PAX1: variants seen among roughly 807,000 people sequenced by gnomAD.
PAX1 encodes the protein paired box protein Pax-1.
A neutral mutation model predicts 35.6 loss-of-function variants in PAX1; 18 were observed. The observed-to-expected ratio is 0.50, with a 90% CI of 0.35 to 0.75. PAX1 has a LOEUF of 0.75. Ranked by LOEUF, PAX1 falls within the 30% of genes least tolerant of loss-of-function variation. The pLI, the probability that PAX1 is intolerant of heterozygous loss-of-function variation, is 0.01. For missense variants in PAX1, 760 were observed against 661.5 expected (o/e 1.15, Z -1.63); for synonymous variants, 397 against 305.2 (o/e 1.30, Z -3.14).
intron 4 of PAX1, among the ~76,000 whole-genome samples, chr20:21,709,977 C>T (rs1450078013): frequency 1.3e-5 from 2 of 151,022 alleles, no homozygotes; most frequent in Non-Finnish European, 2.9e-5. Flanking sequence ...GAAAAAAAGG[C>T]GTTTGGATTC....
chr20:21,707,138 G>T, intron 2 of PAX1, 71 bp downstream of exon 2: 1 of 1,574,002 alleles, frequency 6.4e-7, no homozygotes, highest in Non-Finnish European at 8.7e-7. Context: ...TGCAGGAGAG[G>T]ACTCACACTC....
rs1420260903 is a variant in PAX1 at position 21,717,556 on chromosome 20, T to C, written c.*2994T>C. 1.3e-5 allele frequency: 2 copies of C among 152,208 alleles called. No individual in the cohort carries two copies. Among genetic ancestry groups the C allele is most frequent in the African/African-American group, 4.8e-5 (2 of 41,448 alleles). The allele number at this position is 152,208 out of a possible 1,614,324, so 9.4% of individuals were successfully genotyped here. A position where few individuals can be genotyped will look rare whatever the true frequency, so the allele number is the denominator to read the frequency against. On this transcript the variant is annotated 3_prime_UTR_variant, in exon 5 of 5. Coordinates refer to ENST00000613128, the MANE Select transcript of PAX1 (RefSeq NM_001257096.2). ...AAGATCCCATTGGAATATTGCACTT[T>C]TGCTCTTTGTTCGTATGGATCTGTG...
At chr20:21,708,817 C>G (rs2122138405) in intron 3 of PAX1, 117 bp downstream of exon 3, 1 of 1,047,316 alleles carries the variant, frequency 9.5e-7, no homozygotes, top group Admixed American at 2.0e-5. Flanking sequence ...ATGGTTGTAT[C>G]TGGCAGCCGG....
rs1985418700 is a variant in PAX1, at chr20:21,717,741, TAAAG to T, written c.*3181_*3184del. ...ATATAGAGATGTAACCCAAAGAAAA[TAAAG>T]ACATAATCAGATAGCCCTCTGATTT... is the stretch of plus-strand genomic sequence containing the variant. On this transcript the variant is annotated 3_prime_UTR_variant, in exon 5 of 5. Transcript: ENST00000613128. 6.6e-6 allele frequency: 1 copy of T among 152,000 alleles called. No homozygotes were observed. The highest frequency in any genetic ancestry group is 2.1e-4 in the South Asian group (1 of 4,828). The allele number at this position is 152,000 out of a possible 1,614,324, so 9.4% of individuals were successfully genotyped here. A position where few individuals can be genotyped will look rare whatever the true frequency, so the allele number is the denominator to read the frequency against.
chr20:21,710,010 G>A (rs1175797303), intron 4 of PAX1, among the ~76,000 whole-genome samples: 1 of 143,776 alleles, frequency 7.0e-6, no homozygotes, highest in Non-Finnish European at 1.5e-5. Flanking sequence ...ACACACTGTG[G>A]GAAAGTAGAG....
Position 21,709,327 on chromosome 20 carries a change from C to T in PAX1, c.1165C>T (p.Pro389Ser), listed in dbSNP as rs1985120643. The T allele has an allele frequency of 6.3e-7, 1 of 1,596,322 alleles. No individual in the cohort carries two copies. Residue 389 changes from proline to serine, a missense_variant, in exon 4 of 5, where the codon CCG (proline) becomes TCG (serine). By Grantham distance (74) the Pro-to-Ser change is moderately conservative (BLOSUM62 -1). This residue lies in a region of PAX1 where 490 missense variants were observed against 428.4 expected (regional missense o/e 1.14). Transcript: ENST00000613128. ...YSAPGGGYLA[P>S]GPPWPPAQGP... ...CGCCCCGGGCGGCGGCTACCTCGCC[C>T]CGGGCCCGCCGTGGCCGCCTGCGCA...
At chr20:21,713,380 T>TGTGTGTG (rs1555805030) in intron 4 of PAX1, among the ~76,000 whole-genome samples, 34 of 135,774 alleles carry the variant, frequency 2.5e-4, no homozygotes, top group Non-Finnish European at 1.6e-5. Flanking sequence ...TTTCTTTTTT[T>TGTGTGTG]TTTGTGTGTG....
At position 21,706,325 on chromosome 20, in the gene PAX1, G is replaced by C. The variant is rs758465087; in HGVS notation, c.287-113G>C. ...CTCCGAGCTGTCTGGGGACCCACAG[G>C]TCACCTTTGGAAGTGCGCCTGGGTG... On this transcript the variant is annotated intron_variant, in intron 1 of 4. Transcript: ENST00000613128. This position sits in a 1 kb window ranked among gnomAD's most constrained non-coding sequence, Gnocchi z 5.3. 11 of 1,412,734 alleles carry C rather than the reference G, an allele frequency of 7.8e-6. No individual in the cohort carries two copies. The Admixed American group carries it at 1.2e-4, about 15-fold the overall frequency. The allele number at this position is 1,412,734 out of a possible 1,614,324, so 87.5% of individuals were successfully genotyped here. A position where few individuals can be genotyped will look rare whatever the true frequency, so the allele number is the denominator to read the frequency against.
chr20:21,710,060 T>C (rs1009533883), intron 4 of PAX1, among the ~76,000 whole-genome samples: 4 of 138,378 alleles, frequency 2.9e-5, no homozygotes, highest in Admixed American at 7.2e-5. Flanking sequence ...GCTCAGGAGC[T>C]TTCTGTGGTT....
chr20:21,706,865 G>C lies in PAX1; in HGVS notation c.714G>C (p.Lys238Asn). ...AGCCCGGACCGTACGAGGCAAGTAA[G>C]CAGCCGCCGTCGCAGCCTACGCTGC... ...LAQPGPYEASKQPPSQPTLPY... is the reference protein window; with the variant it reads ...LAQPGPYEASNQPPSQPTLPY... Residue 238 changes from lysine (K) to asparagine (N), a missense_variant, in exon 2 of 5, where the codon AAG becomes AAC. Lys to Asn is a moderately conservative substitution (Grantham distance 94, BLOSUM62 0). Around this residue, in one of 3 missense-constraint regions of PAX1, gnomAD observed 490 missense variants for 428.4 expected, o/e 1.14. Coordinates refer to ENST00000613128, the MANE Select transcript of PAX1 (RefSeq NM_001257096.2). This position sits in a 1 kb window ranked among gnomAD's most constrained non-coding sequence, Gnocchi z 5.3. 1 of 1,613,292 alleles carries C rather than the reference G, an allele frequency of 6.2e-7. No homozygotes were observed. Among genetic ancestry groups the C allele is most frequent in the South Asian group, 1.1e-5 (1 of 91,084 alleles).
Position 21,705,765 on chromosome 20 carries a change from G to T in PAX1, c.53G>T (p.Gly18Val), listed in dbSNP as rs1984955809. The T allele has an allele frequency of 7.9e-7, 1 of 1,263,414 alleles. No homozygotes were observed. Among genetic ancestry groups the T allele is most frequent in the Admixed American group, 4.2e-5 (1 of 23,620 alleles). The allele number at this position is 1,263,414 out of a possible 1,614,324, so 78.3% of individuals were successfully genotyped here. ...GSRAWRVSWE[G>V]AAAAAAGPGA... The stretch of plus-strand genomic sequence containing the variant: ...CGGGCGTGGAGAGTGTCCTGGGAGG[G>T]GGCAGCAGCGGCGGCGGCAGGCCCT... Residue 18 changes from glycine to valine, a missense_variant, in exon 1 of 5, where the codon GGG becomes GTG. Transcript: ENST00000613128.
chr20:21,709,334 C>A lies in PAX1; in HGVS notation c.1172C>A (p.Pro391Gln). 1.3e-6 allele frequency: 2 copies of A among 1,598,734 alleles called. No individual in the cohort carries two copies. Among genetic ancestry groups the A allele is most frequent in the Non-Finnish European group, 1.7e-6 (2 of 1,176,986 alleles). Reference sequence around the variant, plus strand: ...GGCGGCGGCTACCTCGCCCCGGGCCCGCCGTGGCCGCCTGCGCAAGGTCCT... The same window carrying A: ...GGCGGCGGCTACCTCGCCCCGGGCCAGCCGTGGCCGCCTGCGCAAGGTCCT... ...APGGGYLAPG[P>Q]PWPPAQGPPL... Residue 391 changes from proline to glutamine, a missense_variant, in exon 4 of 5, where the codon CCG becomes CAG. Physicochemically the swap from Pro to Gln is moderately conservative, Grantham distance 76. Transcript: ENST00000613128.
In PAX1 at chr20:21,706,099, C is replaced by T. The variant is rs1233339819; in HGVS notation, c.286+101C>T. 9.8e-6 allele frequency: 10 copies of T among 1,018,872 alleles called. No homozygotes were observed. Among genetic ancestry groups the T allele is most frequent in the Non-Finnish European group, 1.4e-5 (10 of 696,224 alleles). The allele number at this position is 1,018,872 out of a possible 1,614,324, so 63.1% of individuals were successfully genotyped here. ...GTCCGCTTTCCCTGGGCGACCCAGT[C>T]CTGGGTCCTGGAGAAGCTGCATTCT... is the stretch of plus-strand genomic sequence containing the variant. On this transcript the variant is annotated intron_variant, in intron 1 of 4. Transcript: ENST00000613128. This position sits in a 1 kb window ranked among gnomAD's most constrained non-coding sequence, Gnocchi z 5.3.
chr20:21,714,209 C>T (rs775329558), intron 4 of PAX1, among the ~76,000 whole-genome samples: 12 of 152,196 alleles, frequency 7.9e-5, no homozygotes, highest in Non-Finnish European at 1.3e-4. Context: ...ACCTGGCCAG[C>T]GGTCAGTGTT....
chr20:21,713,376 TTTTTTTTGTG>T (rs1361483965), intron 4 of PAX1, among the ~76,000 whole-genome samples: 6 of 103,800 alleles, frequency 5.8e-5, no homozygotes, highest in African/African-American at 2.7e-4. Flanking sequence ...GTGTTTTCTT[TTTTTTTTGTG>T]TGTGTGTGTG....
chr20:21,713,212 T>A lies in PAX1; in HGVS notation c.1283-1259T>A, dbSNP rs193215969. ...TTCTAAACAGGTCCTCACTTTGAAGTGTGTGTCCACGGTAGAAAGAAAAGG... is the reference window on the plus strand; with the variant it reads ...TTCTAAACAGGTCCTCACTTTGAAGAGTGTGTCCACGGTAGAAAGAAAAGG... On this transcript the variant is annotated intron_variant, in intron 4 of 4. Coordinates refer to ENST00000613128, the MANE Select transcript of PAX1 (RefSeq NM_001257096.2). 1.2e-3 allele frequency among the ~76,000 whole-genome samples: 190 copies of A among 152,320 alleles called. 1 individual carries two copies. Among genetic ancestry groups the A allele is most frequent in the African/African-American group, 4.3e-3 (178 of 41,570 alleles).
rs1330099621 is a variant in PAX1 at position 21,716,170 on chromosome 20, T to C, written c.*1608T>C. On this transcript the variant is annotated 3_prime_UTR_variant, in exon 5 of 5. Coordinates refer to ENST00000613128, the MANE Select transcript of PAX1 (RefSeq NM_001257096.2). ...CAATGAGCCAGAATGGAGGATTTCT[T>C]CAGAACATTTCTAGTATTCTAAAAG... 6.6e-6 allele frequency: 1 copy of C among 152,216 alleles called. No homozygotes were observed. The highest frequency in any genetic ancestry group is 1.5e-5 in the Non-Finnish European group (1 of 68,038). 9.4% of individuals were successfully genotyped at this position (152,216 alleles called of 1,614,324 possible).
chr20:21,707,362 T>G (rs1985053322), intron 2 of PAX1, among the ~76,000 whole-genome samples: 1 of 152,204 alleles, frequency 6.6e-6, no homozygotes, highest in Non-Finnish European at 1.5e-5. Flanking sequence ...TGCAAGCCCC[T>G]GTTGCCAAAT....
At chr20:21,708,824 C>A in intron 3 of PAX1, 124 bp downstream of exon 3, 1 of 990,826 alleles carries the variant, frequency 1.0e-6, no homozygotes, top group Non-Finnish European at 1.6e-6. Context: ...TATCTGGCAG[C>A]CGGCTAGCAA....
Sources: allele counts gnomAD v4.1 joint callset (sites outside exome capture counted in the v4.1 genomes callset), GRCh38; gene constraint gnomAD v4.1.1; regional missense constraint gnomAD v4.1.1; non-coding constraint Gnocchi (gnomAD v3.1); transcripts MANE v1.5; gene names NCBI Gene and HGNC (gene_info 2026-07-23, HGNC 2026-07-21).